The following PLEKHA1 variants were observed in gnomAD, a reference collection of about 807,000 sequenced individuals.
PLEKHA1 encodes pleckstrin homology domain-containing family A member 1.
A neutral mutation model predicts 52.0 loss-of-function variants in PLEKHA1; 34 were observed. That is an observed-to-expected ratio of 0.65 (90% CI 0.50 to 0.87). The LOEUF (loss-of-function observed/expected upper bound fraction) is 0.87. Ranked by LOEUF, PLEKHA1 falls within the 40% of genes least tolerant of loss-of-function variation. PLEKHA1 has a pLI of 0.00. For missense variants in PLEKHA1, 497 were observed against 504.2 expected, an observed-to-expected ratio of 0.99 and a Z score of 0.14; for synonymous variants, 163 against 170.7, an observed-to-expected ratio of 0.95 and a Z score of 0.35.
At chr10:122,403,010 C>T (rs35198501) in intron 4 of PLEKHA1, among the ~76,000 whole-genome samples, 3,970 of 152,204 alleles carry the variant, frequency 0.026, 76 homozygotes, top group Non-Finnish European at 0.041. Context: ...CTAGTAAGGT[C>T]CACAATCAAC....
intron 6 of PLEKHA1, among the ~76,000 whole-genome samples, chr10:122,414,162 A>G (rs921717628): frequency 6.6e-6 from 1 of 152,122 alleles, no homozygotes; most frequent in African/African-American, 2.4e-5. Context: ...TCTGGTTACT[A>G]TGTACCTAGA....
At chr10:122,390,175 G>A (rs2096757168) in intron 1 of PLEKHA1, among the ~76,000 whole-genome samples, 1 of 152,154 alleles carries the variant, frequency 6.6e-6, no homozygotes, top group Non-Finnish European at 1.5e-5. Context: ...TCTTCCTGTA[G>A]CTTCTCACCT....
intron 4 of PLEKHA1, among the ~76,000 whole-genome samples, chr10:122,402,840 A>G (rs2096950112): frequency 6.6e-6 from 1 of 152,182 alleles, no homozygotes; most frequent in South Asian, 2.1e-4. Flanking sequence ...TGAAAATAGG[A>G]AGATATCTTA....
rs1234587603 is a variant in PLEKHA1 at position 122,417,603 on chromosome 10, G to A, written c.613-297G>A. Among the ~76,000 whole-genome samples the A allele has an allele frequency of 2.8e-5, 4 of 142,336 alleles. No homozygotes were observed. The South Asian group carries it at 6.6e-4, about 23-fold the overall frequency. 93.4% of individuals were successfully genotyped at this position (142,336 alleles called of 152,430 possible). A position where few individuals can be genotyped will look rare whatever the true frequency, so the allele number is the denominator to read the frequency against. ...GGCAGAGGCAGTGAGCCGAGATCGC[G>A]CCATTGCACTCCAGCCTGGGTGACA... is the stretch of plus-strand genomic sequence containing the variant. On this transcript the variant is annotated intron_variant, in intron 7 of 11. Coordinates refer to ENST00000368990, the MANE Select transcript of PLEKHA1 (RefSeq NM_001001974.4).
In PLEKHA1 at chr10:122,430,967, G is replaced by C. The variant is rs2097410713; in HGVS notation, c.*1029G>C. 6.6e-6 allele frequency: 1 copy of C among 152,526 alleles called. No individual in the cohort carries two copies. The highest frequency in any genetic ancestry group is 2.4e-5 in the African/African-American group (1 of 41,410). The allele number at this position is 152,526 out of a possible 1,614,324, so 9.4% of individuals were successfully genotyped here. A position where few individuals can be genotyped will look rare whatever the true frequency, so the allele number is the denominator to read the frequency against. On this transcript the variant is annotated 3_prime_UTR_variant, in exon 12 of 12. Coordinates refer to ENST00000368990, the MANE Select transcript of PLEKHA1 (RefSeq NM_001001974.4). ...TGTGTTAAGATAGGATTTTATGTTA[G>C]AGATACCAGAATGCTGGTATTCTAC...
Position 122,430,037 on chromosome 10 carries a change from G to GTAT in PLEKHA1, c.*100_*102dup, listed in dbSNP as rs2097403302. On this transcript the variant is annotated 3_prime_UTR_variant, in exon 12 of 12. Coordinates refer to ENST00000368990, the MANE Select transcript of PLEKHA1 (RefSeq NM_001001974.4). ...TAAAGGGGGAAATGGTTTTTAGTGC[G>GTAT]TATATTATACTGCCTCTTAGGTGTA... The GTAT allele has an allele frequency of 7.6e-7, 1 of 1,313,674 alleles. No homozygotes were observed. Among genetic ancestry groups the GTAT allele is most frequent in the African/African-American group, 1.5e-5 (1 of 67,544 alleles). 81.4% of individuals were successfully genotyped at this position (1,313,674 alleles called of 1,614,324 possible). A position where few individuals can be genotyped will look rare whatever the true frequency, so the allele number is the denominator to read the frequency against.
intron 8 of PLEKHA1, chr10:122,422,184 A>G (rs1438999121): frequency 1.3e-5 from 2 of 152,222 alleles, no homozygotes; most frequent in African/African-American, 2.4e-5. Context: ...GTAAAATTCT[A>G]TTTAATATAT....
At position 122,393,087 on chromosome 10, in the gene PLEKHA1, T is replaced by G. The variant is rs2096798389; in HGVS notation, c.-20-94T>G. Reference sequence around the variant, plus strand: ...CATTTTAATTGACCTTACCTAATGTTGGCAAGTTGCCCCCTCATTGAACAG... The same window carrying G: ...CATTTTAATTGACCTTACCTAATGTGGGCAAGTTGCCCCCTCATTGAACAG... On this transcript the variant is annotated intron_variant, in intron 1 of 11. Coordinates refer to ENST00000368990, the MANE Select transcript of PLEKHA1 (RefSeq NM_001001974.4). The surrounding 1 kb of genome is among the most constrained non-coding windows in gnomAD (Gnocchi z 4.5). 4.2e-6 allele frequency: 4 copies of G among 956,518 alleles called. No homozygotes were observed. The highest frequency in any genetic ancestry group is 2.9e-5 in the Admixed American group (1 of 34,296). 59.3% of individuals were successfully genotyped at this position (956,518 alleles called of 1,614,324 possible). A position where few individuals can be genotyped will look rare whatever the true frequency, so the allele number is the denominator to read the frequency against.
At chr10:122,381,320 G>A (rs1381973051) in intron 1 of PLEKHA1, among the ~76,000 whole-genome samples, 1 of 152,112 alleles carries the variant, frequency 6.6e-6, no homozygotes, top group Non-Finnish European at 1.5e-5. Context: ...GATTGGACAT[G>A]GGGTAGGATA....
At chr10:122,409,149 A>T (rs548406246) in intron 5 of PLEKHA1, among the ~76,000 whole-genome samples, 2 of 152,110 alleles carry the variant, frequency 1.3e-5, no homozygotes, top group South Asian at 4.2e-4. Context: ...TGCCACTTGA[A>T]ATTCTTTTCC....
intron 6 of PLEKHA1, among the ~76,000 whole-genome samples, chr10:122,413,618 G>T (rs1160643786): frequency 6.6e-6 from 1 of 152,060 alleles, no homozygotes; most frequent in African/African-American, 2.4e-5. Context: ...TTTTAACTAA[G>T]TTATATCTCA....
At chr10:122,407,305 T>C (rs1179592598) in intron 5 of PLEKHA1, among the ~76,000 whole-genome samples, 3 of 152,216 alleles carry the variant, frequency 2.0e-5, no homozygotes, top group Admixed American at 1.3e-4. Context: ...AATTTCTTGC[T>C]TCTAATGTGT....
chr10:122,418,996 T>G (rs1050766995), intron 8 of PLEKHA1: 49 of 152,244 alleles, frequency 3.2e-4, no homozygotes, highest in African/African-American at 1.1e-3. Context: ...AGGAACTGAC[T>G]TAATTTCATT....
At chr10:122,424,171 G>GTTTTTTTTTT in intron 8 of PLEKHA1, 28 bp from the exon 9 acceptor site, 1 of 953,374 alleles carries the variant, frequency 1.0e-6, no homozygotes, top group Non-Finnish European at 1.4e-6. Flanking sequence ...TCATGTAACT[G>GTTTTTTTTTT]TTTTTTTTTT....
At chr10:122,417,375 A>G (rs907008310) in intron 7 of PLEKHA1, among the ~76,000 whole-genome samples, 5 of 151,930 alleles carry the variant, frequency 3.3e-5, no homozygotes, top group Non-Finnish European at 7.4e-5. Flanking sequence ...TAGGCCAGGC[A>G]TGGTGGCTCA....
rs2097018832 is a variant in PLEKHA1 at position 122,406,556 on chromosome 10, T to C, written c.245-20T>C. ...GGTAATAAGTACAATATTTGGTGTG[T>C]TATTTTTTTCTGTCAACAGTTATGA... On this transcript the variant is annotated intron_variant, in intron 4 of 11. Coordinates refer to ENST00000368990, the MANE Select transcript of PLEKHA1 (RefSeq NM_001001974.4). 1 of 1,574,094 alleles carries C rather than the reference T, an allele frequency of 6.4e-7. No individual in the cohort carries two copies. Among genetic ancestry groups the C allele is most frequent in the Non-Finnish European group, 8.7e-7 (1 of 1,144,722 alleles).
chr10:122,384,157 C>T (rs1405505095), intron 1 of PLEKHA1, among the ~76,000 whole-genome samples: 6 of 152,048 alleles, frequency 3.9e-5, no homozygotes, highest in African/African-American at 1.4e-4. Context: ...ATGTCTTTTA[C>T]TCATTTTTCT....
At chr10:122,398,212 A>G (rs559588397) in intron 3 of PLEKHA1, among the ~76,000 whole-genome samples, 2 of 152,284 alleles carry the variant, frequency 1.3e-5, no homozygotes, top group African/African-American at 2.4e-5. Context: ...AACTTTTATG[A>G]TCAGGTATAT....
chr10:122,411,699 C>T (rs2097108832), intron 5 of PLEKHA1: 1 of 152,120 alleles, frequency 6.6e-6, no homozygotes, highest in Non-Finnish European at 1.5e-5. Flanking sequence ...TTTATGCACT[C>T]TAAAGTTTGA....
Sources: gnomAD v4.1 joint callset for allele counts (sites outside exome capture counted in the v4.1 genomes callset) on GRCh38, gnomAD v4.1.1 for gene constraint, Gnocchi (gnomAD v3.1) non-coding constraint, MANE v1.5 for transcripts, NCBI Gene and HGNC (gene_info 2026-07-23, HGNC 2026-07-21) for gene names.